FNDC3A: variants seen among roughly 807,000 people sequenced by gnomAD.
The protein encoded by FNDC3A is fibronectin type-III domain-containing protein 3A.
Under a neutral mutation model 148.9 loss-of-function variants are expected in FNDC3A, and 32 were observed. That is an observed-to-expected ratio of 0.21 (90% confidence interval 0.16 to 0.29). The LOEUF is 0.29. Among genes scored for constraint, FNDC3A ranks in the 10% least tolerant of loss-of-function variants. FNDC3A has a pLI of 1.00. For synonymous variants in FNDC3A, 472 were observed against 473.6 expected (o/e 1.00, Z 0.04); for missense variants, 1,191 against 1,452.8 (o/e 0.82, Z 2.93).
rs377439809 is a variant in FNDC3A, at chr13:49,069,762, G to A, written c.100-5527G>A. Among the ~76,000 whole-genome samples the A allele has an allele frequency of 1.6e-3, 249 of 152,258 alleles. 8 individuals carry two copies. In the South Asian group the frequency reaches 0.051, roughly 31 times the overall value. The stretch of plus-strand genomic sequence containing the variant: ...AATATCAAAGAAGTGTTTGACAAGA[G>A]GAGTAATAATTGAGGTACACCATCA... On this transcript the variant is annotated intron_variant, in intron 2 of 25. Transcript: ENST00000492622.
chr13:49,135,452 T>C (rs1318751958), intron 5 of FNDC3A, among the ~76,000 whole-genome samples: 1 of 152,172 alleles, frequency 6.6e-6, no homozygotes, highest in Non-Finnish European at 1.5e-5. Context: ...CGTGTTTTCT[T>C]CTAAGAGTTC....
intron 13 of FNDC3A, 44 bp downstream of exon 13, chr13:49,175,585 T>C (rs1416498903): frequency 7.3e-7 from 1 of 1,378,148 alleles, no homozygotes; most frequent in Non-Finnish European, 9.9e-7. Context: ...TAAAACATTT[T>C]CAGCTTAAGG....
At chr13:49,114,423 C>T (rs1484487506) in intron 3 of FNDC3A, among the ~76,000 whole-genome samples, 1 of 149,612 alleles carries the variant, frequency 6.7e-6, no homozygotes, top group East Asian at 2.0e-4. Flanking sequence ...CCGCCCCCCA[C>T]CACCCCTACC....
chr13:49,052,496 G>A (rs1350329176), intron 2 of FNDC3A, among the ~76,000 whole-genome samples: 1 of 152,174 alleles, frequency 6.6e-6, no homozygotes, highest in Non-Finnish European at 1.5e-5. Flanking sequence ...CTGGTACTGG[G>A]GAGTGTCTGC....
intron 14 of FNDC3A, among the ~76,000 whole-genome samples, chr13:49,182,278 G>A (rs1032801264): frequency 5.3e-5 from 8 of 151,944 alleles, no homozygotes; most frequent in Non-Finnish European, 8.8e-5. Context: ...CATGAGCCAC[G>A]ACACCCGGCC....
intron 3 of FNDC3A, among the ~76,000 whole-genome samples, chr13:49,087,343 T>C (rs988664390): frequency 6.6e-6 from 1 of 152,156 alleles, no homozygotes; most frequent in Non-Finnish European, 1.5e-5. Flanking sequence ...GCACTTTTGA[T>C]ATCGTTTAGT....
At chr13:49,162,374 T>TA (rs1270353722) in intron 8 of FNDC3A, among the ~76,000 whole-genome samples, 8 of 152,226 alleles carry the variant, frequency 5.3e-5, no homozygotes, top group Admixed American at 4.6e-4. Context: ...CAGTCACTGA[T>TA]ACCCTTTCTT....
intron 8 of FNDC3A, among the ~76,000 whole-genome samples, chr13:49,148,567 C>T (rs1312993742): frequency 2.0e-5 from 3 of 152,112 alleles, no homozygotes; most frequent in African/African-American, 7.2e-5. Flanking sequence ...GTTCTTGTGT[C>T]TATTTTTATA....
intron 1 of FNDC3A, among the ~76,000 whole-genome samples, chr13:49,004,661 AAAT>A (rs1254647339): frequency 6.6e-6 from 1 of 151,994 alleles, no homozygotes; most frequent in Non-Finnish European, 1.5e-5. Context: ...TCTAAAATTT[AAAT>A]AATAATGGCG....
chr13:49,152,646 C>CT (rs1490781427), intron 8 of FNDC3A, among the ~76,000 whole-genome samples: 32 of 151,752 alleles, frequency 2.1e-4, no homozygotes, highest in Admixed American at 4.6e-4. Context: ...TTAGGTATAT[C>CT]TCCCAATGCT....
At chr13:49,110,291 AC>A in intron 3 of FNDC3A, 5 of 1,514,950 alleles carry the variant, frequency 3.3e-6, no homozygotes, top group Non-Finnish European at 4.4e-6. Context: ...TTTTCCTCTT[AC>A]AGCCTTGCAA....
At chr13:49,114,908 T>C (rs1880836198) in intron 4 of FNDC3A, among the ~76,000 whole-genome samples, 177 bp downstream of exon 4, 1 of 152,196 alleles carries the variant, frequency 6.6e-6, no homozygotes, top group Admixed American at 6.5e-5. Context: ...GAAAAATTTT[T>C]ATTGGCAGCA....
chr13:49,039,210 TAGTA>T (rs1874733654), intron 2 of FNDC3A, among the ~76,000 whole-genome samples: 1 of 152,238 alleles, frequency 6.6e-6, no homozygotes, highest in Non-Finnish European at 1.5e-5. Context: ...TTTTCAAAGT[TAGTA>T]AGGTATAATT....
At chr13:49,087,587 T>C (rs776757642) in intron 3 of FNDC3A, among the ~76,000 whole-genome samples, 89 of 152,094 alleles carry the variant, frequency 5.9e-4, no homozygotes, top group Non-Finnish European at 6.9e-4. Flanking sequence ...ATTAGATAAT[T>C]TTAAAGACAA....
intron 8 of FNDC3A, among the ~76,000 whole-genome samples, chr13:49,156,118 G>T: frequency 6.9e-6 from 1 of 145,438 alleles, no homozygotes; most frequent in African/African-American, 2.6e-5. Context: ...TTGACAGTGG[G>T]GTGTTAAAGT....
At chr13:49,123,986 C>T (rs1881532433) in intron 4 of FNDC3A, among the ~76,000 whole-genome samples, 1 of 152,186 alleles carries the variant, frequency 6.6e-6, no homozygotes, top group African/African-American at 2.4e-5. Context: ...CCAGCAATCC[C>T]ATTACTGGGT....
At chr13:49,079,469 G>T (rs1253541007) in intron 3 of FNDC3A, among the ~76,000 whole-genome samples, 1 of 152,190 alleles carries the variant, frequency 6.6e-6, no homozygotes, top group Non-Finnish European at 1.5e-5. Flanking sequence ...TGACACATGA[G>T]CCTCCTCGAA....
chr13:49,162,704 A>G (rs1884218790), intron 8 of FNDC3A, among the ~76,000 whole-genome samples: 2 of 151,810 alleles, frequency 1.3e-5, no homozygotes, highest in Admixed American at 6.6e-5. Context: ...GGTTTTTAGA[A>G]TTTTCATCTT....
At chr13:49,206,534 A>G (rs1409776378) in intron 25 of FNDC3A, among the ~76,000 whole-genome samples, 1 of 152,152 alleles carries the variant, frequency 6.6e-6, no homozygotes, top group Non-Finnish European at 1.5e-5. Context: ...CTTGTGAGGC[A>G]TGGCAGAGGA....
Sources: allele counts gnomAD v4.1 joint callset (sites outside exome capture counted in the v4.1 genomes callset), GRCh38; gene constraint gnomAD v4.1.1; transcripts MANE v1.5; gene names NCBI Gene and HGNC (gene_info 2026-07-23, HGNC 2026-07-21).